Variants in ERC2 observed in about 807,000 individuals in gnomAD.
ERC2 encodes the protein ELKS/RAB6-interacting/CAST family member 2, also known as ERC protein 2.
Under a neutral mutation model 114.8 loss-of-function variants are expected in ERC2, and 42 were observed. The observed-to-expected ratio is 0.37, with a 90% CI of 0.29 to 0.47. The LOEUF is 0.47. ERC2 is among the 20% of genes least tolerant of loss of function. ERC2 has a pLI of 0.99. For missense variants in ERC2, 939 were observed against 1,150.7 expected, an observed-to-expected ratio of 0.82 and a Z score of 2.66; for synonymous variants, 454 against 425.5, an observed-to-expected ratio of 1.07 and a Z score of -0.82.
intron 5 of ERC2, among the ~76,000 whole-genome samples, chr3:56,141,276 C>T (rs1575569572): frequency 6.6e-6 from 1 of 152,204 alleles, no homozygotes. Flanking sequence ...TATTTACCCT[C>T]TTCTTGAACC....
rs549028464 is a variant in ERC2, at chr3:55,680,649, T to C, written c.*39+3145A>G. On this transcript the variant is annotated intron_variant, in intron 17 of 17. Coordinates refer to ENST00000288221, the MANE Select transcript of ERC2 (RefSeq NM_015576.3). ...ATGTGTGAGTGTGGGGTTTGGGGGG[T>C]TGGTGGTGAGAGGACAGTGGTTGAA... Among the ~76,000 whole-genome samples the C allele has an allele frequency of 1.8e-3, 277 of 151,672 alleles. 1 individual carries two copies. Among genetic ancestry groups the C allele is most frequent in the Non-Finnish European group, 3.2e-3 (216 of 67,908 alleles).
At chr3:55,990,134 C>T (rs1189307112) in intron 11 of ERC2, among the ~76,000 whole-genome samples, 1 of 152,132 alleles carries the variant, frequency 6.6e-6, no homozygotes, top group African/African-American at 2.4e-5. Flanking sequence ...CATCTAAAAT[C>T]ACAGTGCTCC....
intron 12 of ERC2, among the ~76,000 whole-genome samples, chr3:55,974,502 G>C (rs1402661417): frequency 6.6e-6 from 1 of 152,166 alleles, no homozygotes; most frequent in Non-Finnish European, 1.5e-5. Flanking sequence ...CACTGTGTGG[G>C]GCCATGAAGA....
intron 3 of ERC2, among the ~76,000 whole-genome samples, chr3:56,183,354 C>T (rs2083396532): frequency 6.6e-6 from 1 of 152,208 alleles, no homozygotes; most frequent in Non-Finnish European, 1.5e-5. Flanking sequence ...TTACTAGGTG[C>T]ATGACCTTGG....
chr3:56,342,956 C>CTG (rs1221374885), intron 2 of ERC2, among the ~76,000 whole-genome samples: 4 of 152,142 alleles, frequency 2.6e-5, no homozygotes, highest in African/African-American at 9.7e-5. Context: ...GCCCCTCAGC[C>CTG]TGTCTCTGCC....
chr3:56,342,484 C>T (rs938572424), intron 2 of ERC2, among the ~76,000 whole-genome samples: 1 of 152,202 alleles, frequency 6.6e-6, no homozygotes, highest in African/African-American at 2.4e-5. Context: ...CTTCAATTTC[C>T]ATTTGAAAAT....
chr3:55,823,198 G>A (rs1015571380), intron 14 of ERC2, among the ~76,000 whole-genome samples: 84 of 152,106 alleles, frequency 5.5e-4, no homozygotes, highest in African/African-American at 2.0e-3. Flanking sequence ...GAGAAAGCTG[G>A]CCATGGGCAC....
chr3:56,032,449 T>C (rs1039343124), intron 7 of ERC2, among the ~76,000 whole-genome samples: 2 of 151,690 alleles, frequency 1.3e-5, no homozygotes, highest in African/African-American at 4.8e-5. Flanking sequence ...ATAGAAGAAG[T>C]AGAGAAAGAG....
At chr3:56,322,404 T>C (rs923282163) in intron 2 of ERC2, among the ~76,000 whole-genome samples, 5 of 152,130 alleles carry the variant, frequency 3.3e-5, no homozygotes, top group Non-Finnish European at 7.4e-5. Flanking sequence ...ACCCCTTGAA[T>C]TGGGATGGCC....
chr3:56,160,209 C>T (rs564265743), intron 4 of ERC2, among the ~76,000 whole-genome samples: 202 of 152,170 alleles, frequency 1.3e-3, no homozygotes, highest in African/African-American at 4.7e-3. Context: ...TGTAAGATGG[C>T]TTCTCACTGT....
At chr3:56,223,500 G>C (rs566806435) in intron 3 of ERC2, among the ~76,000 whole-genome samples, 74 of 131,434 alleles carry the variant, frequency 5.6e-4, no homozygotes, top group African/African-American at 2.1e-3. Context: ...AAACTCAAAG[G>C]CTACCAAAGA....
At chr3:56,459,859 CA>C (rs1392905820) in intron 1 of ERC2, among the ~76,000 whole-genome samples, 1 of 152,182 alleles carries the variant, frequency 6.6e-6, no homozygotes, top group African/African-American at 2.4e-5. Context: ...TAGGTGCCAG[CA>C]ACTAGAGATT....
intron 7 of ERC2, among the ~76,000 whole-genome samples, chr3:56,055,736 T>C (rs1373182120): frequency 6.6e-6 from 1 of 152,182 alleles, no homozygotes; most frequent in Non-Finnish European, 1.5e-5. Flanking sequence ...GAGAGACTCT[T>C]CTTATTTTCA....
rs902337995 is a variant in ERC2, at chr3:55,574,181, C to T, written c.*40-62905G>A. Among the ~76,000 whole-genome samples the T allele has an allele frequency of 2.6e-5, 4 of 152,182 alleles. No homozygotes were observed. In the East Asian group the frequency reaches 5.8e-4, roughly 22 times the overall value. On this transcript the variant is annotated intron_variant, in intron 17 of 17. Transcript: ENST00000288221. ...TGTGACCAATGATGACACTGTGGTC[C>T]GTACAGGTGAAGTGACTTATCCAAG...
chr3:55,609,593 T>C (rs761094680), intron 17 of ERC2, among the ~76,000 whole-genome samples: 1 of 151,930 alleles, frequency 6.6e-6, no homozygotes. Context: ...GTTACAGGGG[T>C]TATTCAAAAG....
intron 6 of ERC2, among the ~76,000 whole-genome samples, chr3:56,127,606 C>T (rs1297870770): frequency 6.6e-6 from 1 of 151,988 alleles, no homozygotes; most frequent in Non-Finnish European, 1.5e-5. Context: ...GCCTGCAATC[C>T]CAGCTACTCG....
At chr3:55,946,719 T>C (rs545994727) in intron 13 of ERC2, among the ~76,000 whole-genome samples, 1 of 152,296 alleles carries the variant, frequency 6.6e-6, no homozygotes, top group Non-Finnish European at 1.5e-5. Context: ...ATTTGAACAC[T>C]GGCCAGTTCA....
intron 15 of ERC2, among the ~76,000 whole-genome samples, chr3:55,702,326 G>A (rs139064727): frequency 2.3e-4 from 35 of 152,300 alleles, no homozygotes; most frequent in Non-Finnish European, 4.6e-4. Context: ...GGCTTCTTTT[G>A]ATTAGTCTGG....
chr3:55,956,006 T>A (rs1490556534), intron 12 of ERC2, among the ~76,000 whole-genome samples: 1 of 152,364 alleles, frequency 6.6e-6, no homozygotes, highest in East Asian at 1.9e-4. Flanking sequence ...GAGGGGTTGA[T>A]GAGTTAGTAC....
Sources: gnomAD v4.1 joint callset for allele counts (sites outside exome capture counted in the v4.1 genomes callset) on GRCh38, gnomAD v4.1.1 for gene constraint, MANE v1.5 for transcripts, NCBI Gene and HGNC (gene_info 2026-07-23, HGNC 2026-07-21) for gene names.